The following SLC4A5 variants were observed in gnomAD, a reference collection of about 807,000 sequenced individuals.
The protein encoded by SLC4A5 is electrogenic sodium bicarbonate cotransporter 4.
SLC4A5 carries 96 observed loss-of-function variants against 120.4 expected under a neutral mutation model. The observed-to-expected ratio is 0.80, with a 90% confidence interval of 0.68 to 0.94. The LOEUF is 0.94. Ranked by LOEUF, SLC4A5 falls within the 40% of genes least tolerant of loss-of-function variation. The probability of loss-of-function intolerance (pLI) is 0.00; values close to 1 mark genes in which losing one functional copy is unlikely to be tolerated. For synonymous variants in SLC4A5, 550 were observed against 571.1 expected (o/e 0.96, Z 0.53); for missense variants, 1,259 against 1,459.5 (o/e 0.86, Z 2.24).
intron 27 of SLC4A5, among the ~76,000 whole-genome samples, chr2:74,226,222 GT>G (rs1482149934): frequency 6.6e-6 from 1 of 152,146 alleles, no homozygotes; most frequent in Non-Finnish European, 1.5e-5. Context: ...TCCCAGCAGT[GT>G]GCACTTCAAG....
rs772993510 is a variant in SLC4A5 at position 74,224,939 on chromosome 2, G to A, written c.3147C>T (p.Asp1049=). 3.1e-6 allele frequency: 5 copies of A among 1,614,070 alleles called. No homozygotes were observed. In the South Asian group the frequency reaches 5.5e-5, roughly 18 times the overall value. ...GGAGGATGTTGTCAATCCAGGCCAG[G>A]TCGTGCTGGGAAAAGATGAAATCCA... Residue 1049 remains aspartate (D), a synonymous_variant, in exon 28 of 31, where the codon GAC becomes GAT. Transcript: ENST00000394019.
chr2:74,331,391 G>A (rs1673363298), intron 4 of SLC4A5, among the ~76,000 whole-genome samples: 1 of 151,784 alleles, frequency 6.6e-6, no homozygotes, highest in East Asian at 1.9e-4. Context: ...GGATGAGGGT[G>A]TGATGTGTAG....
intron 7 of SLC4A5, among the ~76,000 whole-genome samples, chr2:74,295,120 G>A (rs1672287977): frequency 6.6e-6 from 1 of 152,012 alleles, no homozygotes; most frequent in African/African-American, 2.4e-5. Context: ...TAAAGTGAGT[G>A]GAGTGAGTGT....
chr2:74,266,518 C>T (rs1306617266), intron 8 of SLC4A5, among the ~76,000 whole-genome samples: 1 of 152,178 alleles, frequency 6.6e-6, no homozygotes, highest in Admixed American at 6.5e-5. Context: ...ATCAGCCCAC[C>T]TTGGCCTCCC....
intron 10 of SLC4A5, among the ~76,000 whole-genome samples, chr2:74,262,747 A>C (rs546304098): frequency 6.6e-6 from 1 of 152,216 alleles, no homozygotes; most frequent in East Asian, 1.9e-4. Context: ...TACTGTTGAA[A>C]GTGAGAGAGA....
At chr2:74,304,365 G>A in intron 7 of SLC4A5, 124 bp downstream of exon 7, 1 of 993,118 alleles carries the variant, frequency 1.0e-6, no homozygotes, top group Non-Finnish European at 1.4e-6. Context: ...GGGGGCCAGA[G>A]AGGTTAGGCT....
intron 4 of SLC4A5, among the ~76,000 whole-genome samples, chr2:74,332,617 AC>A (rs1283518012): frequency 6.6e-6 from 1 of 152,090 alleles, no homozygotes; most frequent in Non-Finnish European, 1.5e-5. Context: ...TTCCTCCTGC[AC>A]AAAGTACTCT....
chr2:74,299,974 A>T (rs1304993088), intron 7 of SLC4A5, among the ~76,000 whole-genome samples: 2 of 152,230 alleles, frequency 1.3e-5, no homozygotes, highest in Non-Finnish European at 2.9e-5. Context: ...CTGCATGTCC[A>T]CTGACAGATG....
intron 3 of SLC4A5, among the ~76,000 whole-genome samples, chr2:74,338,020 T>C (rs1032267131): frequency 6.6e-6 from 1 of 152,098 alleles, no homozygotes; most frequent in African/African-American, 2.4e-5. Flanking sequence ...GAACCTCAGC[T>C]GGATGGGAAA....
intron 6 of SLC4A5, chr2:74,306,975 T>G (rs1672663350): frequency 3.3e-6 from 2 of 601,200 alleles, no homozygotes; most frequent in Admixed American, 2.1e-5. Flanking sequence ...CTGTGCCAGC[T>G]CTGATTCCAG....
At chr2:74,280,233 C>G (rs534677269) in intron 8 of SLC4A5, among the ~76,000 whole-genome samples, 5 of 152,258 alleles carry the variant, frequency 3.3e-5, no homozygotes, top group African/African-American at 1.2e-4. Flanking sequence ...GCCTCTTCCC[C>G]CTTCCCTACC....
exon 12 of SLC4A5, chr2:74,259,630 G>A (rs746629661): frequency 1.2e-6 from 2 of 1,614,166 alleles, no homozygotes; most frequent in South Asian, 2.2e-5. Context: ...TCATGCTTCT[G>A]CTCTGGGCAT....
intron 18 of SLC4A5, 70 bp downstream of exon 18, chr2:74,248,283 C>T: frequency 1.3e-6 from 2 of 1,573,040 alleles, no homozygotes; most frequent in Non-Finnish European, 1.7e-6. Flanking sequence ...GGACCTATTC[C>T]CCTGCCCTAG....
At chr2:74,315,333 G>C (rs1270159009) in intron 5 of SLC4A5, among the ~76,000 whole-genome samples, 1 of 151,628 alleles carries the variant, frequency 6.6e-6, no homozygotes, top group Non-Finnish European at 1.5e-5. Flanking sequence ...CCAGCTGCTA[G>C]GAAGGCTGAG....
intron 8 of SLC4A5, among the ~76,000 whole-genome samples, chr2:74,269,737 A>G (rs1317734185): frequency 6.6e-6 from 1 of 152,134 alleles, no homozygotes; most frequent in Non-Finnish European, 1.5e-5. Context: ...GCATGGGGCC[A>G]GTTGAGTGGG....
At position 74,315,043 on chromosome 2, in the gene SLC4A5, C is replaced by T. The variant is rs375563108; in HGVS notation, c.-2-18G>A. 4.9e-5 allele frequency: 79 copies of T among 1,599,376 alleles called. No homozygotes were observed. The highest frequency in any genetic ancestry group is 6.6e-5 in the Non-Finnish European group (77 of 1,166,746). On this transcript the variant is annotated intron_variant, in intron 5 of 30. Transcript: ENST00000394019. The stretch of plus-strand genomic sequence containing the variant: ...CTTCATGACTATAAAGTAAAAGGAA[C>T]ACAGCCTCAAAATGTATACATTAAA...
intron 7 of SLC4A5, among the ~76,000 whole-genome samples, chr2:74,295,244 T>C (rs1258822118): frequency 1.3e-5 from 2 of 151,392 alleles, no homozygotes; most frequent in Non-Finnish European, 2.9e-5. Context: ...AAAAATATGG[T>C]AGGAAGGTGA....
chr2:74,297,284 G>T (rs1020117512), intron 7 of SLC4A5, among the ~76,000 whole-genome samples: 14 of 152,178 alleles, frequency 9.2e-5, no homozygotes, highest in African/African-American at 3.4e-4. Flanking sequence ...TGCACCATGT[G>T]AGGTATCTAA....
At chr2:74,315,082 C>T in intron 5 of SLC4A5, 57 bp from the exon 6 acceptor site, 1 of 1,424,214 alleles carries the variant, frequency 7.0e-7, no homozygotes, top group East Asian at 2.3e-5. Flanking sequence ...GGTAGGATTT[C>T]AAGGAGAAAT....
Sources: gnomAD v4.1 joint callset for allele counts (sites outside exome capture counted in the v4.1 genomes callset) on GRCh38, gnomAD v4.1.1 for gene constraint, MANE v1.5 for transcripts, NCBI Gene and HGNC (gene_info 2026-07-23, HGNC 2026-07-21) for gene names.